Variants in GREM2 observed in about 807,000 individuals in gnomAD.
GREM2 encodes gremlin-2.
Under a neutral mutation model 14.2 loss-of-function variants are expected in GREM2, and 11 were observed. That is an observed-to-expected ratio of 0.78 (90% CI 0.49 to 1.28). The LOEUF (loss-of-function observed/expected upper bound fraction) is 1.28. Among genes scored for constraint, GREM2 ranks in the 50% most tolerant of loss-of-function variants. GREM2 has a pLI of 0.00. For synonymous variants in GREM2, 98 were observed against 97.6 expected (o/e 1.00, Z -0.02); for missense variants, 210 against 218.5 (o/e 0.96, Z 0.24).
At chr1:240,522,568 G>A (rs1045439894) in intron 1 of GREM2, among the ~76,000 whole-genome samples, 4 of 152,094 alleles carry the variant, frequency 2.6e-5, no homozygotes, top group Non-Finnish European at 4.4e-5. Flanking sequence ...AGGAGTAAAA[G>A]GCACCTCTAT....
chr1:240,561,986 T>C (rs1679049591), intron 1 of GREM2, among the ~76,000 whole-genome samples: 2 of 152,150 alleles, frequency 1.3e-5, no homozygotes, highest in African/African-American at 2.4e-5. Context: ...AACCACTTCT[T>C]GTTTCAACAA....
Position 240,540,432 on chromosome 1 carries a change from C to A in GREM2, c.-1-46956G>T, listed in dbSNP as rs1678560752. Among the ~76,000 whole-genome samples the A allele has an allele frequency of 6.6e-6, 1 of 152,130 alleles. No homozygotes were observed. Among genetic ancestry groups the A allele is most frequent in the Admixed American group, 6.6e-5 (1 of 15,266 alleles). ...ACAAAACAGGATCAGGGGATTTGTC[C>A]TTGAATGGGCTGTTTCCTAGAGCAC... is the stretch of plus-strand genomic sequence containing the variant. On this transcript the variant is annotated intron_variant, in intron 1 of 1. Transcript: ENST00000318160. The surrounding 1 kb of genome is among the most constrained non-coding windows in gnomAD (Gnocchi z 4.2).
intron 1 of GREM2, among the ~76,000 whole-genome samples, chr1:240,563,928 G>A (rs1679121466): frequency 6.6e-6 from 1 of 152,112 alleles, no homozygotes; most frequent in Non-Finnish European, 1.5e-5. Flanking sequence ...TACTTGTTTA[G>A]ACCTGGCCTG....
intron 1 of GREM2, among the ~76,000 whole-genome samples, chr1:240,559,392 G>GA (rs1679002227): frequency 7.2e-6 from 1 of 139,794 alleles, no homozygotes; most frequent in African/African-American, 2.8e-5. Flanking sequence ...CACCCAGTGT[G>GA]GAGGACAATG....
chr1:240,600,657 T>C (rs919344991), intron 1 of GREM2, among the ~76,000 whole-genome samples: 3 of 152,010 alleles, frequency 2.0e-5, no homozygotes, highest in Non-Finnish European at 4.4e-5. Context: ...CTAAGATTTG[T>C]ATTTTTAATA....
intron 1 of GREM2, among the ~76,000 whole-genome samples, chr1:240,611,299 G>A (rs1197810241): frequency 1.3e-5 from 2 of 152,144 alleles, no homozygotes; most frequent in Non-Finnish European, 2.9e-5. Context: ...ACACAGGAAG[G>A]ATCACTGACA....
Position 240,572,574 on chromosome 1 carries a change from C to T in GREM2, c.-2+39310G>A, listed in dbSNP as rs146875608. ...TGTAACTAGTCCATTTTGTCCCCTG[C>T]TGGACTTGAAGCTAATGATTATAGG... On this transcript the variant is annotated intron_variant, in intron 1 of 1. Coordinates refer to ENST00000318160, the MANE Select transcript of GREM2 (RefSeq NM_022469.4). Among the ~76,000 whole-genome samples the T allele has an allele frequency of 1.2e-4, 18 of 152,290 alleles. 1 individual carries two copies. The East Asian group carries it at 3.3e-3, about 28-fold the overall frequency.
intron 1 of GREM2, among the ~76,000 whole-genome samples, chr1:240,556,661 G>T (rs2103344705): frequency 1.3e-5 from 2 of 152,082 alleles, no homozygotes; most frequent in East Asian, 1.9e-4. Flanking sequence ...CGAGAAAAAA[G>T]AAGACGATAC....
intron 1 of GREM2, among the ~76,000 whole-genome samples, chr1:240,597,558 T>A (rs574242470): frequency 6.6e-6 from 1 of 152,220 alleles, no homozygotes; most frequent in Non-Finnish European, 1.5e-5. Flanking sequence ...ACCTTTAATA[T>A]TGAATGTGGC....
chr1:240,516,370 T>G (rs12143400), intron 1 of GREM2, among the ~76,000 whole-genome samples: 1 of 151,936 alleles, frequency 6.6e-6, no homozygotes, highest in Non-Finnish European at 1.5e-5. Context: ...GATTTGATGT[T>G]GAAAATCCAG....
intron 1 of GREM2, among the ~76,000 whole-genome samples, chr1:240,566,108 G>C (rs376061859): frequency 9.2e-5 from 14 of 151,934 alleles, no homozygotes; most frequent in African/African-American, 3.4e-4. Flanking sequence ...GTACCATTAA[G>C]CTTTAAATTA....
chr1:240,560,029 T>C (rs1409176169), intron 1 of GREM2, among the ~76,000 whole-genome samples: 1 of 152,140 alleles, frequency 6.6e-6, no homozygotes, highest in Non-Finnish European at 1.5e-5. Context: ...ACGCCTGTGG[T>C]CCCAGCTACT....
intron 1 of GREM2, among the ~76,000 whole-genome samples, chr1:240,544,665 C>T (rs529100492): frequency 1.2e-4 from 19 of 152,124 alleles, no homozygotes; most frequent in Non-Finnish European, 2.2e-4. Context: ...TTTTCAAAGC[C>T]GTCCACACCT....
intron 1 of GREM2, among the ~76,000 whole-genome samples, chr1:240,514,329 G>A (rs530733366): frequency 6.7e-6 from 1 of 150,234 alleles, no homozygotes; most frequent in African/African-American, 2.4e-5. Flanking sequence ...CTGGAGCAAA[G>A]TTTTTGAAGT....
At chr1:240,602,103 G>T (rs1233493632) in intron 1 of GREM2, among the ~76,000 whole-genome samples, 1 of 152,102 alleles carries the variant, frequency 6.6e-6, no homozygotes, top group African/African-American at 2.4e-5. Context: ...CTTTAATACA[G>T]AGAAGTTCTC....
chr1:240,555,099 C>T (rs1415425024), intron 1 of GREM2, among the ~76,000 whole-genome samples: 3 of 151,748 alleles, frequency 2.0e-5, no homozygotes, highest in Non-Finnish European at 4.4e-5. Flanking sequence ...GAGCTGAGAT[C>T]GTACCATTGG....
chr1:240,600,697 T>A (rs905315492), intron 1 of GREM2, among the ~76,000 whole-genome samples: 1 of 152,126 alleles, frequency 6.6e-6, no homozygotes, highest in African/African-American at 2.4e-5. Context: ...TTGGCCAGTC[T>A]GGTCTCGAAC....
intron 1 of GREM2, among the ~76,000 whole-genome samples, chr1:240,518,738 C>T (rs956418417): frequency 1.1e-4 from 16 of 152,318 alleles, no homozygotes; most frequent in Admixed American, 3.3e-4. Context: ...TTTCACTCTG[C>T]TCCTACTTCA....
At chr1:240,600,981 TC>T (rs1272814687) in intron 1 of GREM2, among the ~76,000 whole-genome samples, 1 of 152,188 alleles carries the variant, frequency 6.6e-6, no homozygotes, top group African/African-American at 2.4e-5. Flanking sequence ...AAGATAAAAT[TC>T]AGGCCCAAAT....
Sources: gnomAD v4.1 joint callset for allele counts (sites outside exome capture counted in the v4.1 genomes callset) on GRCh38, gnomAD v4.1.1 for gene constraint, Gnocchi (gnomAD v3.1) non-coding constraint, MANE v1.5 for transcripts, NCBI Gene and HGNC (gene_info 2026-07-23, HGNC 2026-07-21) for gene names.